Variants in DRD3 observed in about 807,000 individuals in gnomAD.
DRD3 encodes the protein D(3) dopamine receptor.
Under a neutral mutation model 36.3 loss-of-function variants are expected in DRD3, and 19 were observed. That is an observed-to-expected ratio of 0.52 (90% CI 0.36 to 0.77). The LOEUF (loss-of-function observed/expected upper bound fraction) is 0.77, where lower values mean the gene tolerates loss of function less well. Ranked by LOEUF, DRD3 falls within the 30% of genes least tolerant of loss-of-function variation. DRD3 has a pLI of 0.00. For missense variants in DRD3, 465 were observed against 505.3 expected, an observed-to-expected ratio of 0.92 and a Z score of 0.77; for synonymous variants, 195 against 203.7, an observed-to-expected ratio of 0.96 and a Z score of 0.36.
At chr3:114,189,309 A>G (rs763914418) in intron 1 of DRD3, among the ~76,000 whole-genome samples, 1 of 152,214 alleles carries the variant, frequency 6.6e-6, no homozygotes, top group Non-Finnish European at 1.5e-5. Context: ...AGGAAAAGCA[A>G]TGGCAAGTAG....
At chr3:114,137,234 C>T (rs1171872898) in intron 5 of DRD3, among the ~76,000 whole-genome samples, 1 of 152,168 alleles carries the variant, frequency 6.6e-6, no homozygotes, top group Non-Finnish European at 1.5e-5. Flanking sequence ...ACATGGCCCA[C>T]TTACCATTTT....
intron 1 of DRD3, among the ~76,000 whole-genome samples, chr3:114,174,034 T>C (rs1416887118): frequency 6.6e-6 from 1 of 152,216 alleles, no homozygotes. Flanking sequence ...AAACTTGGAA[T>C]GAATTTAGAG....
At chr3:114,183,761 A>C (rs36212178), upstream of DRD3, among the ~76,000 whole-genome samples, 2 of 151,686 alleles carry the variant, frequency 1.3e-5, no homozygotes, top group Non-Finnish European at 2.9e-5. Flanking sequence ...TTTGGTTACT[A>C]TTTGCATGAA....
chr3:114,164,808 G>A (rs2077767378), intron 2 of DRD3, among the ~76,000 whole-genome samples: 1 of 152,192 alleles, frequency 6.6e-6, no homozygotes, highest in Admixed American at 6.5e-5. Flanking sequence ...CTGGAGTGCA[G>A]TGGCACAATC....
In DRD3 at chr3:114,173,472, C is replaced by T. The variant is rs150600170; in HGVS notation, c.-35-1445G>A. On this transcript the variant is annotated intron_variant, in intron 1 of 6. Coordinates refer to ENST00000383673, the MANE Select transcript of DRD3 (RefSeq NM_000796.6). ...CTCAGAGCCTGTTTCCAAGACATCA[C>T]GGGTCTCATTCTAAATCTCTCACTC... 9.9e-3 allele frequency among the ~76,000 whole-genome samples: 1,513 copies of T among 152,256 alleles called. 39 individuals are homozygous for T. The highest frequency in any genetic ancestry group is 0.034 in the African/African-American group (1,432 of 41,544).
chr3:114,147,636 G>T, intron 3 of DRD3, 79 bp from the exon 4 acceptor site: 1 of 1,518,640 alleles, frequency 6.6e-7, no homozygotes, highest in South Asian at 1.2e-5. Flanking sequence ...TGTTGTTGTT[G>T]TTTTTGGAGA....
At chr3:114,187,040 A>T (rs1016149922) in intron 1 of DRD3, among the ~76,000 whole-genome samples, 4 of 152,202 alleles carry the variant, frequency 2.6e-5, no homozygotes, top group African/African-American at 9.7e-5. Flanking sequence ...ACTGGGTGAG[A>T]CATGTTTCAA....
intron 5 of DRD3, among the ~76,000 whole-genome samples, chr3:114,139,086 A>T (rs1020962776): frequency 1.3e-5 from 2 of 152,188 alleles, no homozygotes; most frequent in Non-Finnish European, 2.9e-5. Flanking sequence ...GTAAGGAAAA[A>T]AGGCTTTGAT....
At chr3:114,175,122 T>C (rs1022306188) in intron 1 of DRD3, among the ~76,000 whole-genome samples, 4 of 152,104 alleles carry the variant, frequency 2.6e-5, no homozygotes. Flanking sequence ...TAGATGCCAG[T>C]AGCATACCCC....
chr3:114,170,785 A>T (rs1441249672), intron 2 of DRD3, among the ~76,000 whole-genome samples: 1 of 152,106 alleles, frequency 6.6e-6, no homozygotes, highest in Non-Finnish European at 1.5e-5. Context: ...ATGAATCTTA[A>T]TTTCTCTTAA....
upstream of DRD3, among the ~76,000 whole-genome samples, chr3:114,183,319 T>C (rs143685542): frequency 3.9e-4 from 59 of 152,328 alleles, 1 homozygote; most frequent in African/African-American, 1.3e-3. Flanking sequence ...TTAAAATCTA[T>C]TGAGACACAA....
intron 6 of DRD3, 140 bp from the exon 7 acceptor site, chr3:114,129,052 A>C: frequency 1.1e-6 from 1 of 890,312 alleles, no homozygotes; most frequent in Non-Finnish European, 1.6e-6. Flanking sequence ...TTTTTTTATA[A>C]CAACCCTAGG....
intron 1 of DRD3, among the ~76,000 whole-genome samples, chr3:114,186,780 T>C (rs909178193): frequency 1.3e-5 from 2 of 152,196 alleles, no homozygotes; most frequent in African/African-American, 2.4e-5. Flanking sequence ...CCAAAATAAT[T>C]ACATCAGGCA....
At chr3:114,139,047 G>C (rs771528961) in intron 5 of DRD3, among the ~76,000 whole-genome samples, 7 of 152,226 alleles carry the variant, frequency 4.6e-5, no homozygotes, top group Non-Finnish European at 1.0e-4. Context: ...CCACCAGCTT[G>C]TCAGTTCCTT....
intron 3 of DRD3, among the ~76,000 whole-genome samples, chr3:114,152,858 T>C (rs949463109): frequency 6.6e-6 from 1 of 152,262 alleles, no homozygotes; most frequent in Non-Finnish European, 1.5e-5. Flanking sequence ...TGGGCTGGGC[T>C]TGGCCGGGAG....
At chr3:114,161,875 T>A (rs1351116821) in intron 2 of DRD3, among the ~76,000 whole-genome samples, 3 of 152,228 alleles carry the variant, frequency 2.0e-5, no homozygotes, top group Admixed American at 1.3e-4. Context: ...CAATATTATA[T>A]CTACTCTGCA....
At chr3:114,174,629 G>A (rs558193278) in intron 1 of DRD3, among the ~76,000 whole-genome samples, 5 of 151,936 alleles carry the variant, frequency 3.3e-5, no homozygotes, top group East Asian at 1.9e-4. Flanking sequence ...GGGTTAAACC[G>A]TGATTGTTCA....
At chr3:114,131,603 AC>A (rs1175964692) in intron 5 of DRD3, among the ~76,000 whole-genome samples, 1 of 152,200 alleles carries the variant, frequency 6.6e-6, no homozygotes, top group Non-Finnish European at 1.5e-5. Context: ...ACTAAAAAGC[AC>A]CCACCATATC....
chr3:114,129,804 T>C (rs146078931), intron 6 of DRD3, among the ~76,000 whole-genome samples: 1 of 152,328 alleles, frequency 6.6e-6, no homozygotes, highest in East Asian at 1.9e-4. Context: ...ACACCTGTAA[T>C]CCCAGCAGTT....
Sources: gnomAD v4.1 joint callset for allele counts (sites outside exome capture counted in the v4.1 genomes callset) on GRCh38, gnomAD v4.1.1 for gene constraint, MANE v1.5 for transcripts, NCBI Gene and HGNC (gene_info 2026-07-23, HGNC 2026-07-21) for gene names.